Variants in IL5RA observed in about 807,000 individuals in gnomAD.
IL5RA encodes interleukin 5 receptor subunit alpha.
A neutral mutation model predicts 50.0 loss-of-function variants in IL5RA; 49 were observed. The ratio of observed to expected loss-of-function variants is 0.98; its 90% CI spans 0.78 to 1.24. IL5RA has a LOEUF of 1.24. IL5RA is among the 50% of genes most tolerant of loss of function. The probability of loss-of-function intolerance (pLI) is 0.00; values close to 1 mark genes in which losing one functional copy is unlikely to be tolerated. For missense variants in IL5RA, 600 were observed against 500.4 expected, an observed-to-expected ratio of 1.20 and a Z score of -1.90; for synonymous variants, 202 against 174.0, an observed-to-expected ratio of 1.16 and a Z score of -1.26.
chr3:3,098,325 C>A, intron 5 of IL5RA, 35 bp from the exon 6 acceptor site: 1 of 1,581,618 alleles, frequency 6.3e-7, no homozygotes. Context: ...CAAAACATTG[C>A]CATGGCAAAC....
In IL5RA at chr3:3,076,601, C is replaced by G; in HGVS notation, c.1021G>C (p.Glu341Gln). Reference sequence around the variant, plus strand: ...GCCATAATCACAATGACAAACCACTCTCTCAAGGGCTTGTGTTCATCATTT... The same window carrying G: ...GCCATAATCACAATGACAAACCACTGTCTCAAGGGCTTGTGTTCATCATTT... The part of the protein sequence containing the change: ...VGNDEHKPLR[E>Q]WFVIVIMATI... Residue 341 changes from glutamate (E) to glutamine (Q), a missense_variant, in exon 10 of 12, where the codon GAG becomes CAG. Glu to Gln is a conservative substitution (Grantham distance 29). Coordinates refer to ENST00000446632, the MANE Select transcript of IL5RA (RefSeq NM_175726.4). The G allele has an allele frequency of 6.2e-7, 1 of 1,610,630 alleles. No homozygotes were observed. Among genetic ancestry groups the G allele is most frequent in the Non-Finnish European group, 8.5e-7 (1 of 1,177,148 alleles).
chr3:3,080,473 C>A, intron 9 of IL5RA, among the ~76,000 whole-genome samples: 1 of 152,302 alleles, frequency 6.6e-6, no homozygotes, highest in South Asian at 2.1e-4. Context: ...TTATTTTAAG[C>A]ATTGCTTTTC....
intron 9 of IL5RA, among the ~76,000 whole-genome samples, chr3:3,082,870 A>G (rs1702716097): frequency 6.6e-6 from 1 of 152,238 alleles, no homozygotes; most frequent in Admixed American, 6.5e-5. Flanking sequence ...TAAATTCTGC[A>G]TGTAAGTATG....
Position 3,070,248 on chromosome 3 carries a change from T to C in IL5RA, c.1240A>G (p.Thr414Ala). Reference protein sequence around the residue: ...ICYIEKPGVETLEDSVF With the variant: ...ICYIEKPGVEALEDSVF ...AGTCAAAACACAGAATCCTCCAGGG[T>C]CTCAACTCCAGGCTTCTCTATATAA... Residue 414 changes from threonine (T) to alanine (A), a missense_variant, in exon 12 of 12, where the codon ACC (threonine) becomes GCC (alanine). Physicochemically the swap from Thr to Ala is moderately conservative, Grantham distance 58. Transcript: ENST00000446632. 1 of 1,612,658 alleles carries C rather than the reference T, an allele frequency of 6.2e-7. No homozygotes were observed. Among genetic ancestry groups the C allele is most frequent in the Non-Finnish European group, 8.5e-7 (1 of 1,178,884 alleles).
intron 9 of IL5RA, among the ~76,000 whole-genome samples, chr3:3,077,383 TG>T (rs1702523203): frequency 1.3e-5 from 2 of 152,232 alleles, no homozygotes; most frequent in Admixed American, 6.5e-5. Flanking sequence ...AAACGTGCCG[TG>T]TTGGTGTGCT....
intron 9 of IL5RA, among the ~76,000 whole-genome samples, chr3:3,077,961 AT>A (rs200005614): frequency 0.012 from 1,894 of 152,232 alleles, 20 homozygotes; most frequent in Non-Finnish European, 0.017. Flanking sequence ...TTTAACTAAT[AT>A]TTACTGGGCT....
chr3:3,095,220 G>T, intron 8 of IL5RA, 79 bp downstream of exon 8: 1 of 1,094,648 alleles, frequency 9.1e-7, no homozygotes, highest in Non-Finnish European at 1.3e-6. Context: ...TAACTTGGTT[G>T]CAGTCACTGA....
intron 3 of IL5RA, among the ~76,000 whole-genome samples, chr3:3,103,794 T>A (rs1264439987): frequency 6.6e-6 from 1 of 152,206 alleles, no homozygotes; most frequent in African/African-American, 2.4e-5. Flanking sequence ...TCGTTATGTT[T>A]TTTTCTGGGC....
At chr3:3,104,103 C>T (rs1015185833) in intron 3 of IL5RA, among the ~76,000 whole-genome samples, 2 of 152,206 alleles carry the variant, frequency 1.3e-5, no homozygotes, top group Admixed American at 6.5e-5. Context: ...CAGTGTTGTG[C>T]GATCTCAGCT....
intron 10 of IL5RA, 61 bp downstream of exon 10, chr3:3,076,470 A>G (rs1702486647): frequency 1.5e-5 from 16 of 1,050,322 alleles, no homozygotes; most frequent in Non-Finnish European, 2.2e-5. Flanking sequence ...ATGCATGGTA[A>G]GCCTGTAAAA....
At chr3:3,085,094 C>T (rs374916319) in intron 9 of IL5RA, among the ~76,000 whole-genome samples, 6 of 152,246 alleles carry the variant, frequency 3.9e-5, no homozygotes, top group African/African-American at 9.6e-5. Flanking sequence ...TCCGCCCCCC[C>T]TGGTGGGAAC....
intron 11 of IL5RA, among the ~76,000 whole-genome samples, chr3:3,073,398 T>C (rs1477006953): frequency 2.6e-5 from 4 of 152,214 alleles, no homozygotes; most frequent in Non-Finnish European, 5.9e-5. Flanking sequence ...GCTTGTTGCC[T>C]GTTTTGGAAA....
intron 9 of IL5RA, among the ~76,000 whole-genome samples, chr3:3,081,404 G>T (rs188255714): frequency 1.3e-5 from 2 of 152,316 alleles, no homozygotes; most frequent in African/African-American, 4.8e-5. Flanking sequence ...TTCAGAAACT[G>T]CAGGTTTATA....
At chr3:3,088,724 G>T (rs1171021776) in intron 9 of IL5RA, among the ~76,000 whole-genome samples, 3 of 151,974 alleles carry the variant, frequency 2.0e-5, no homozygotes. Flanking sequence ...CCATCATCTT[G>T]GTTTAAGTTT....
chr3:3,101,924 A>T, intron 4 of IL5RA, 94 bp from the exon 5 acceptor site: 1 of 1,122,306 alleles, frequency 8.9e-7, no homozygotes, highest in East Asian at 2.6e-5. Flanking sequence ...TACTTTTTAA[A>T]TGATTAGTAA....
chr3:3,074,057 C>T (rs1702392609), intron 11 of IL5RA, among the ~76,000 whole-genome samples: 2 of 152,188 alleles, frequency 1.3e-5, no homozygotes, highest in African/African-American at 4.8e-5. Context: ...ATGATTTACT[C>T]CAACAAATGA....
rs1457506217 is a variant in IL5RA, at chr3:3,104,977, A to G, written c.8T>C (p.Ile3Thr). The change falls in exon 3 of 12, where the codon ATC (isoleucine) becomes ACC (threonine). Residue 3 changes from isoleucine (I) to threonine (T), a missense_variant. By Grantham distance (89) the Ile-to-Thr change is moderately conservative. Coordinates refer to ENST00000446632, the MANE Select transcript of IL5RA (RefSeq NM_175726.4). MI[I>T]VAHVLLILLG... ...AAGGATGAGTAATACATGCGCCACG[A>G]TGATCATATCCTACAGAAAACAAGG... is the stretch of plus-strand genomic sequence containing the variant. 1 of 1,610,658 alleles carries G rather than the reference A, an allele frequency of 6.2e-7. No individual in the cohort carries two copies. The highest frequency in any genetic ancestry group is 1.1e-5 in the South Asian group (1 of 90,804).
At chr3:3,100,277 G>A (rs1309587806) in intron 5 of IL5RA, among the ~76,000 whole-genome samples, 1 of 152,146 alleles carries the variant, frequency 6.6e-6, no homozygotes, top group Non-Finnish European at 1.5e-5. Context: ...GAAGCAGAGG[G>A]AGAAGATGAT....
chr3:3,104,789 T>C (rs1703826927), intron 3 of IL5RA, 114 bp downstream of exon 3: 1 of 582,288 alleles, frequency 1.7e-6, no homozygotes, highest in Non-Finnish European at 3.0e-6. Context: ...AAATATTGTC[T>C]CATAAAAATC....
Sources: gnomAD v4.1 joint callset for allele counts (sites outside exome capture counted in the v4.1 genomes callset) on GRCh38, gnomAD v4.1.1 for gene constraint, MANE v1.5 for transcripts, NCBI Gene and HGNC (gene_info 2026-07-23, HGNC 2026-07-21) for gene names.